UBE2E3: variants seen among roughly 807,000 people sequenced by gnomAD.
The protein encoded by UBE2E3 is ubiquitin-conjugating enzyme E2 E3.
In UBE2E3, 5 loss-of-function variants were observed where a neutral mutation model predicts 23.6. The ratio of observed to expected loss-of-function variants is 0.21; its 90% CI spans 0.11 to 0.44. UBE2E3 has a LOEUF of 0.44. Ranked by LOEUF, UBE2E3 falls within the 20% of genes least tolerant of loss-of-function variation. The pLI is 0.99. For synonymous variants in UBE2E3, 78 were observed against 87.5 expected (o/e 0.89, Z 0.60); for missense variants, 81 against 249.8 (o/e 0.32, Z 4.55).
At chr2:181,031,030 T>C (rs1418518299) in intron 3 of UBE2E3, among the ~76,000 whole-genome samples, 5 of 152,194 alleles carry the variant, frequency 3.3e-5, no homozygotes, top group African/African-American at 1.2e-4. Flanking sequence ...TGTAATTTTT[T>C]AGATTGGGTT....
intron 3 of UBE2E3, among the ~76,000 whole-genome samples, chr2:181,051,985 TTC>T (rs1686856254): frequency 6.6e-6 from 1 of 151,872 alleles, no homozygotes; most frequent in South Asian, 2.1e-4. Context: ...CTGGATACAT[TTC>T]TGAGTCACTG....
chr2:181,036,242 G>A (rs1686276210), intron 3 of UBE2E3, among the ~76,000 whole-genome samples: 1 of 152,002 alleles, frequency 6.6e-6, no homozygotes, highest in Admixed American at 6.5e-5. Flanking sequence ...AACAGAATAA[G>A]GAGCCCAGAA....
rs150939974 is a variant in UBE2E3, at chr2:181,043,830, C to G, written c.246-13863C>G. Among the ~76,000 whole-genome samples the G allele has an allele frequency of 6.6e-5, 10 of 152,166 alleles. No homozygotes were observed. In the East Asian group the frequency reaches 1.9e-3, roughly 29 times the overall value. ...TCTTAATCTGTCATGAATATTTCTC[C>G]ATGTCATTAAACAGTCTTCAAAATC... is the stretch of plus-strand genomic sequence containing the variant. On this transcript the variant is annotated intron_variant, in intron 3 of 5. Coordinates refer to ENST00000410062, the MANE Select transcript of UBE2E3 (RefSeq NM_006357.4).
At chr2:181,024,843 C>T (rs1235820749) in intron 3 of UBE2E3, among the ~76,000 whole-genome samples, 1 of 151,526 alleles carries the variant, frequency 6.6e-6, no homozygotes, top group East Asian at 1.9e-4. Flanking sequence ...TTTTTTTTAA[C>T]TTAGGTAATA....
At chr2:181,060,956 G>A (rs1326973569) in intron 5 of UBE2E3, 144 bp downstream of exon 5, 11 of 901,008 alleles carry the variant, frequency 1.2e-5, no homozygotes, top group Non-Finnish European at 1.7e-5. Context: ...AACAGTTTGT[G>A]AGGAAATTAC....
chr2:181,016,220 A>T (rs914712892), intron 3 of UBE2E3, among the ~76,000 whole-genome samples: 4 of 151,688 alleles, frequency 2.6e-5, no homozygotes, highest in African/African-American at 9.7e-5. Context: ...TACCTTCTTT[A>T]TACCTTTTTG....
At chr2:181,044,712 A>G (rs1476222442) in intron 3 of UBE2E3, among the ~76,000 whole-genome samples, 1 of 152,124 alleles carries the variant, frequency 6.6e-6, no homozygotes, top group African/African-American at 2.4e-5. Flanking sequence ...TTGTATGCTT[A>G]TAGATGGTAA....
intron 4 of UBE2E3, among the ~76,000 whole-genome samples, chr2:181,059,498 C>G (rs573500914): frequency 9.0e-4 from 136 of 151,694 alleles, no homozygotes; most frequent in African/African-American, 3.1e-3. Flanking sequence ...CCACATAAAA[C>G]ATAAAACAAT....
chr2:181,047,641 G>T (rs1686710867), intron 3 of UBE2E3, among the ~76,000 whole-genome samples: 1 of 151,728 alleles, frequency 6.6e-6, no homozygotes, highest in African/African-American at 2.4e-5. Context: ...GTTTTGTTTT[G>T]TTTTTTTCCT....
chr2:181,032,299 C>A (rs1686107973), intron 3 of UBE2E3, among the ~76,000 whole-genome samples: 2 of 152,116 alleles, frequency 1.3e-5, no homozygotes, highest in Admixed American at 1.3e-4. Flanking sequence ...TAACGTGTAT[C>A]CAACATTAAT....
chr2:181,061,890 G>T (rs1687165142), intron 5 of UBE2E3, among the ~76,000 whole-genome samples: 1 of 151,394 alleles, frequency 6.6e-6, no homozygotes, highest in Non-Finnish European at 1.5e-5. Context: ...GTGACAGATG[G>T]ATATTCATTG....
At chr2:181,047,263 T>A (rs1274333489) in intron 3 of UBE2E3, among the ~76,000 whole-genome samples, 1 of 152,112 alleles carries the variant, frequency 6.6e-6, no homozygotes, top group African/African-American at 2.4e-5. Context: ...CATGTATTAT[T>A]GGGACTTAGG....
intron 3 of UBE2E3, among the ~76,000 whole-genome samples, chr2:181,011,249 G>A (rs1047869397): frequency 2.0e-5 from 3 of 152,034 alleles, no homozygotes; most frequent in Admixed American, 1.3e-4. Context: ...TCCAATATCA[G>A]GGTGCTGGCA....
intron 3 of UBE2E3, among the ~76,000 whole-genome samples, chr2:181,009,109 A>G (rs1356781783): frequency 6.6e-6 from 1 of 152,152 alleles, no homozygotes; most frequent in Non-Finnish European, 1.5e-5. Flanking sequence ...TCTTCTAGCC[A>G]GTTCTTCTAC....
chr2:181,013,695 G>A (rs1219922127), intron 3 of UBE2E3, among the ~76,000 whole-genome samples: 2 of 152,160 alleles, frequency 1.3e-5, no homozygotes, highest in African/African-American at 4.8e-5. Flanking sequence ...GAGCTCATGG[G>A]TGTGTATATG....
rs1354910335 is a variant in UBE2E3, at chr2:181,006,373, T to A, written c.245+22280T>A. Among the ~76,000 whole-genome samples, 11 of 81,114 alleles carry A rather than the reference T, an allele frequency of 1.4e-4. No individual in the cohort carries two copies. The Admixed American group carries it at 1.5e-3, about 11-fold the overall frequency. The allele number at this position is 81,114 out of a possible 152,430, so 53.2% of individuals were successfully genotyped here. ...GTATATGCATTCTGTTCATATTGTT[T>A]GTGATTTCAGATTTTTGTTGCCTTC... is the stretch of plus-strand genomic sequence containing the variant. On this transcript the variant is annotated intron_variant, in intron 3 of 5. Transcript: ENST00000410062.
intron 3 of UBE2E3, among the ~76,000 whole-genome samples, chr2:181,053,835 C>T (rs1283952703): frequency 1.3e-5 from 2 of 151,844 alleles, no homozygotes; most frequent in African/African-American, 2.4e-5. Context: ...ACAGATCCTC[C>T]GTGCTGTGCC....
At position 180,990,188 on chromosome 2, in the gene UBE2E3, C is replaced by T. The variant is rs1482061785; in HGVS notation, c.245+6095C>T. The T allele has an allele frequency of 2.9e-5, 15 of 519,016 alleles. 1 individual carries two copies. Among genetic ancestry groups the T allele is most frequent in the South Asian group, 4.9e-5 (2 of 40,964 alleles). 32.2% of individuals were successfully genotyped at this position (519,016 alleles called of 1,614,324 possible). ...CCCCTTCCCCAGCCACCAGGCTAGGCGACAATTGGTAATGCCCAGAGATAT... is the reference window on the plus strand; with the variant it reads ...CCCCTTCCCCAGCCACCAGGCTAGGTGACAATTGGTAATGCCCAGAGATAT... On this transcript the variant is annotated intron_variant, in intron 3 of 5. Coordinates refer to ENST00000410062, the MANE Select transcript of UBE2E3 (RefSeq NM_006357.4).
Position 181,060,910 on chromosome 2 carries a change from G to C in UBE2E3, c.526+98G>C, listed in dbSNP as rs115292962. 8,771 of 1,092,794 alleles carry C rather than the reference G, an allele frequency of 8.0e-3. 232 individuals carry two copies. Among genetic ancestry groups the C allele is most frequent in the African/African-American group, 0.059 (2,904 of 48,990 alleles). 67.7% of individuals were successfully genotyped at this position (1,092,794 alleles called of 1,614,324 possible). A position where few individuals can be genotyped will look rare whatever the true frequency, so the allele number is the denominator to read the frequency against. Reference sequence around the variant, plus strand: ...TTTTAGTTAGCTTTAAATGTAGATTGAGAGGTAAATGTTATTCATAGAAAG... The same window carrying C: ...TTTTAGTTAGCTTTAAATGTAGATTCAGAGGTAAATGTTATTCATAGAAAG... On this transcript the variant is annotated intron_variant, in intron 5 of 5. Transcript: ENST00000410062.
Sources: gnomAD v4.1 joint callset for allele counts (sites outside exome capture counted in the v4.1 genomes callset) on GRCh38, gnomAD v4.1.1 for gene constraint, MANE v1.5 for transcripts, NCBI Gene and HGNC (gene_info 2026-07-23, HGNC 2026-07-21) for gene names.